Variants in MORC3 observed in about 807,000 individuals in gnomAD.
The protein encoded by MORC3 is MORC family CW-type zinc finger protein 3.
Under a neutral mutation model 109.1 loss-of-function variants are expected in MORC3, and 31 were observed. The ratio of observed to expected loss-of-function variants is 0.28; its 90% confidence interval spans 0.21 to 0.38. The LOEUF (loss-of-function observed/expected upper bound fraction) is 0.38, where lower values mean the gene tolerates loss of function less well. MORC3 is among the 10% of genes least tolerant of loss of function. The pLI is 1.00. For synonymous variants in MORC3, 395 were observed against 380.7 expected, an observed-to-expected ratio of 1.04 and a Z score of -0.44; for missense variants, 867 against 1,135.8, an observed-to-expected ratio of 0.76 and a Z score of 3.40.
intron 14 of MORC3, among the ~76,000 whole-genome samples, chr21:36,365,181 CA>C (rs2085766387): frequency 6.6e-6 from 1 of 151,578 alleles, no homozygotes; most frequent in Non-Finnish European, 1.5e-5. Flanking sequence ...AAGGAAGGGA[CA>C]AAGAGAAAGT....
rs75509792 is a variant in MORC3 at position 36,373,618 on chromosome 21, C to T, written c.2666+1087C>T. 1.1e-3 allele frequency among the ~76,000 whole-genome samples: 167 copies of T among 149,950 alleles called. No homozygotes were observed. The East Asian group carries it at 0.014, about 13-fold the overall frequency. On this transcript the variant is annotated intron_variant, in intron 16 of 16. Coordinates refer to ENST00000400485, the MANE Select transcript of MORC3 (RefSeq NM_015358.3). Reference sequence around the variant, plus strand: ...GGCCTTGGCAACAAGAGCAAAACTCCGTCTCAAAAAAAAAAAAAGCTGGTA... The same window carrying T: ...GGCCTTGGCAACAAGAGCAAAACTCTGTCTCAAAAAAAAAAAAAGCTGGTA...
rs554064459 is a variant in MORC3 at position 36,337,375 on chromosome 21, G to A, written c.246-357G>A. 2.0e-5 allele frequency among the ~76,000 whole-genome samples: 3 copies of A among 152,244 alleles called. No individual in the cohort carries two copies. The South Asian group carries it at 6.2e-4, about 32-fold the overall frequency. ...TCATGGGGTGAAATCTCACAGTCCC[G>A]GAAGCATGGGTTATACTCAGCTATT... On this transcript the variant is annotated intron_variant, in intron 3 of 16. Transcript: ENST00000400485.
chr21:36,333,708 T>A lies in MORC3; in HGVS notation c.102T>A (p.Ala34=). 6.2e-7 allele frequency: 1 copy of A among 1,610,284 alleles called. No homozygotes were observed. The highest frequency in any genetic ancestry group is 8.5e-7 in the Non-Finnish European group (1 of 1,176,640). The change falls in exon 2 of 17, where the codon GCT becomes GCA. Residue 34 remains alanine, a synonymous_variant. Transcript: ENST00000400485. ...ACACCTGGCCATTCAGTGCAGTTGC[T>A]GAATTAATAGGTATGTAGTTTGACA... ...TSHTWPFSAV[A]ELIDNAYDPD...
chr21:36,354,028 G>A (rs186015939), intron 9 of MORC3, among the ~76,000 whole-genome samples: 52 of 151,180 alleles, frequency 3.4e-4, no homozygotes, highest in African/African-American at 1.2e-3. Context: ...CCTAAGTCAC[G>A]CCATTGCACC....
chr21:36,363,491 G>A (rs989033099), intron 13 of MORC3, among the ~76,000 whole-genome samples: 6 of 152,070 alleles, frequency 3.9e-5, no homozygotes, highest in Non-Finnish European at 7.4e-5. Context: ...TCATAGCTTC[G>A]CCTAGCCTAC....
At chr21:36,363,602 A>G (rs925313267) in intron 13 of MORC3, among the ~76,000 whole-genome samples, 2 of 152,252 alleles carry the variant, frequency 1.3e-5, no homozygotes, top group Non-Finnish European at 2.9e-5. Context: ...TTTATTGAAT[A>G]CTGAAAGTGA....
At chr21:36,349,627 G>A (rs997074718) in intron 9 of MORC3, among the ~76,000 whole-genome samples, 5 of 152,140 alleles carry the variant, frequency 3.3e-5, no homozygotes, top group South Asian at 4.1e-4. Flanking sequence ...CTTAAAGTTC[G>A]ATAATGTAAT....
At chr21:36,332,865 G>A (rs1646522359) in intron 1 of MORC3, among the ~76,000 whole-genome samples, 2 of 148,296 alleles carry the variant, frequency 1.3e-5, no homozygotes, top group Admixed American at 6.8e-5. Context: ...TTGGCTCACT[G>A]CAAGCTCCAT....
Position 36,320,320 on chromosome 21 carries a change from G to T in MORC3, c.39+17G>T. 1 of 1,511,320 alleles carries T rather than the reference G, an allele frequency of 6.6e-7. No individual in the cohort carries two copies. Among genetic ancestry groups the T allele is most frequent in the Non-Finnish European group, 8.9e-7 (1 of 1,126,344 alleles). The allele number at this position is 1,511,320 out of a possible 1,614,324, so 93.6% of individuals were successfully genotyped here. A position where few individuals can be genotyped will look rare whatever the true frequency, so the allele number is the denominator to read the frequency against. On this transcript the variant is annotated intron_variant, in intron 1 of 16. Transcript: ENST00000400485. ...CTCAGCGCGGTGAGCAGCCGCGAGG[G>T]GTGGAGCGGGCCGTGTCCCAGGAGG... is the stretch of plus-strand genomic sequence containing the variant.
chr21:36,356,835 AAATT>A, intron 10 of MORC3, 111 bp downstream of exon 10: 1 of 605,334 alleles, frequency 1.7e-6, no homozygotes, highest in Non-Finnish European at 2.8e-6. Flanking sequence ...TCATAGGAAT[AAATT>A]CTGCAACATG....
intron 8 of MORC3, among the ~76,000 whole-genome samples, chr21:36,348,631 A>G (rs1262543066): frequency 6.6e-6 from 1 of 151,014 alleles, no homozygotes; most frequent in Non-Finnish European, 1.5e-5. Context: ...CTGTTCTTGA[A>G]CTCCTGACCT....
chr21:36,349,591 A>G (rs2085548611), intron 9 of MORC3, among the ~76,000 whole-genome samples, 183 bp downstream of exon 9: 1 of 152,236 alleles, frequency 6.6e-6, no homozygotes, highest in Non-Finnish European at 1.5e-5. Flanking sequence ...TTAGTTTTCT[A>G]TGTAAGTCCC....
At chr21:36,333,465 C>G (rs1179311911) in intron 1 of MORC3, 181 bp from the exon 2 acceptor site, 7 of 593,934 alleles carry the variant, frequency 1.2e-5, no homozygotes, top group Admixed American at 3.1e-5. Flanking sequence ...TTAGTTGGTT[C>G]CCAGTGTTAT....
intron 4 of MORC3, 121 bp downstream of exon 4, chr21:36,338,067 C>A: frequency 2.1e-6 from 2 of 968,222 alleles, no homozygotes; most frequent in Non-Finnish European, 3.1e-6. Context: ...CATTTCTTAC[C>A]TCTGTCCTCT....
Position 36,320,288 on chromosome 21 carries a change from G to T in MORC3, c.24G>T (p.Gly8=), listed in dbSNP as rs1170282649. MAAQPPR[G]IRLSALCPKF... Reference sequence around the variant, plus strand: ...AGATGGCGGCGCAGCCACCCCGCGGGATACGCCTCAGCGCGGTGAGCAGCC... The same window carrying T: ...AGATGGCGGCGCAGCCACCCCGCGGTATACGCCTCAGCGCGGTGAGCAGCC... Residue 8 remains glycine, a synonymous_variant, in exon 1 of 17, where the codon GGG becomes GGT. Coordinates refer to ENST00000400485, the MANE Select transcript of MORC3 (RefSeq NM_015358.3). The T allele has an allele frequency of 1.9e-6, 3 of 1,572,780 alleles. No individual in the cohort carries two copies. The highest frequency in any genetic ancestry group is 2.6e-6 in the Non-Finnish European group (3 of 1,160,292).
At chr21:36,325,232 A>G (rs1232036178) in intron 1 of MORC3, among the ~76,000 whole-genome samples, 1 of 152,218 alleles carries the variant, frequency 6.6e-6, no homozygotes, top group East Asian at 1.9e-4. Context: ...ATTTTAAAAA[A>G]CGAGAACAAC....
intron 5 of MORC3, among the ~76,000 whole-genome samples, chr21:36,340,195 G>A (rs1033091749): frequency 2.6e-4 from 40 of 151,664 alleles, no homozygotes; most frequent in Admixed American, 1.8e-3. Context: ...GGAGAATGGC[G>A]TGAACCAGGG....
At chr21:36,341,258 C>G (rs1661517353) in intron 5 of MORC3, 141 bp from the exon 6 acceptor site, 1 of 698,518 alleles carries the variant, frequency 1.4e-6, no homozygotes, top group Non-Finnish European at 2.3e-6. Flanking sequence ...TTTTCTCTTG[C>G]CTTTGCACCC....
chr21:36,328,537 C>T (rs1362726779), intron 1 of MORC3, among the ~76,000 whole-genome samples: 4 of 152,092 alleles, frequency 2.6e-5, no homozygotes, highest in African/African-American at 7.2e-5. Flanking sequence ...GACAAGGTTT[C>T]GCCATGTTGG....
Sources: allele counts gnomAD v4.1 joint callset (sites outside exome capture counted in the v4.1 genomes callset), GRCh38; gene constraint gnomAD v4.1.1; transcripts MANE v1.5; gene names NCBI Gene and HGNC (gene_info 2026-07-23, HGNC 2026-07-21).